The following ROBO2 variants were observed in gnomAD, a reference collection of about 807,000 sequenced individuals.
ROBO2 encodes the protein roundabout guidance receptor 2.
A neutral mutation model predicts 160.8 loss-of-function variants in ROBO2; 53 were observed. The observed-to-expected ratio is 0.33, with a 90% CI of 0.26 to 0.41. The LOEUF is 0.41. ROBO2 is among the 10% of genes least tolerant of loss of function. ROBO2 has a pLI of 1.00. For synonymous variants in ROBO2, 664 were observed against 611.7 expected (o/e 1.09, Z -1.26); for missense variants, 1,577 against 1,722.4 (o/e 0.92, Z 1.49).
chr3:76,674,598 T>TCACACACACACACACACACA (rs71104613), intron 2 of ROBO2, among the ~76,000 whole-genome samples: 35 of 148,066 alleles, frequency 2.4e-4, no homozygotes, highest in Non-Finnish European at 3.3e-4. Flanking sequence ...ACCTCCTAGT[T>TCACACACACACACACACACA]CACACACACA....
At chr3:76,619,638 C>T (rs2088901069) in intron 2 of ROBO2, among the ~76,000 whole-genome samples, 1 of 152,134 alleles carries the variant, frequency 6.6e-6, no homozygotes, top group African/African-American at 2.4e-5. Context: ...GAGAGAGACT[C>T]AGTGAAGGAC....
intron 2 of ROBO2, among the ~76,000 whole-genome samples, chr3:77,294,255 G>A (rs2061720011): frequency 7.0e-6 from 1 of 143,778 alleles, no homozygotes; most frequent in African/African-American, 2.7e-5. Context: ...TAAAATTGAT[G>A]GTTAAACGGG....
At chr3:76,527,566 T>TAA (rs1216907424) in intron 2 of ROBO2, among the ~76,000 whole-genome samples, 9 of 152,130 alleles carry the variant, frequency 5.9e-5, no homozygotes, top group African/African-American at 2.2e-4. Flanking sequence ...ACTCATTATA[T>TAA]AAACACAAGC....
At chr3:76,236,803 T>A (rs1302782331) in intron 2 of ROBO2, among the ~76,000 whole-genome samples, 1 of 152,078 alleles carries the variant, frequency 6.6e-6, no homozygotes, top group Non-Finnish European at 1.5e-5. Flanking sequence ...AGTTCAGAAT[T>A]CAAGAAGAAA....
At chr3:77,073,269 G>A (rs1173971223) in intron 1 of ROBO2, among the ~76,000 whole-genome samples, 5 of 152,092 alleles carry the variant, frequency 3.3e-5, no homozygotes, top group Non-Finnish European at 7.4e-5. Flanking sequence ...GTAAACATTG[G>A]CCATTATTTT....
intron 2 of ROBO2, among the ~76,000 whole-genome samples, chr3:76,584,668 T>A (rs968759114): frequency 2.6e-5 from 4 of 152,132 alleles, no homozygotes; most frequent in Admixed American, 6.5e-5. Context: ...ACAGTAAATA[T>A]CTCACAGCCA....
At chr3:76,698,825 G>A (rs1345549970) in intron 2 of ROBO2, among the ~76,000 whole-genome samples, 1 of 151,780 alleles carries the variant, frequency 6.6e-6, no homozygotes, top group Non-Finnish European at 1.5e-5. Context: ...GGTAGGGAGA[G>A]GTTATCAGCC....
At chr3:76,482,411 G>A (rs927090153) in intron 2 of ROBO2, among the ~76,000 whole-genome samples, 1 of 152,082 alleles carries the variant, frequency 6.6e-6, no homozygotes, top group African/African-American at 2.4e-5. Flanking sequence ...AAAACCATTA[G>A]TGTCTTTTTC....
chr3:76,342,586 CTA>C (rs2074293694), intron 2 of ROBO2, among the ~76,000 whole-genome samples: 1 of 152,060 alleles, frequency 6.6e-6, no homozygotes, highest in African/African-American at 2.4e-5. Flanking sequence ...GATGGATACA[CTA>C]TCTCTATCTT....
intron 2 of ROBO2, among the ~76,000 whole-genome samples, chr3:77,229,079 T>C (rs887986100): frequency 1.3e-5 from 2 of 152,188 alleles, no homozygotes; most frequent in Non-Finnish European, 2.9e-5. Context: ...CTGCTTTTAA[T>C]TTCTAAGCCT....
chr3:77,148,422 CT>C (rs1217230851), intron 2 of ROBO2, among the ~76,000 whole-genome samples: 1 of 152,192 alleles, frequency 6.6e-6, no homozygotes, highest in African/African-American at 2.4e-5. Context: ...CTGCATGAAA[CT>C]TTTTTTCTTT....
rs1295299157 is a variant in ROBO2, at chr3:76,197,526, C to T, written c.109+259924C>T. Among the ~76,000 whole-genome samples the T allele has an allele frequency of 2.0e-5, 3 of 152,136 alleles. No individual in the cohort carries two copies. The East Asian group carries it at 5.8e-4, about 29-fold the overall frequency. Reference sequence around the variant, plus strand: ...TTTCTCCTTTTGGGGAGTGATAATCCACCGAGTTAATCAATTTCTCTTTAG... The same window carrying T: ...TTTCTCCTTTTGGGGAGTGATAATCTACCGAGTTAATCAATTTCTCTTTAG... On this transcript the variant is annotated intron_variant, in intron 2 of 26. Coordinates refer to the ROBO2 transcript ENST00000487694.
intron 2 of ROBO2, among the ~76,000 whole-genome samples, chr3:77,144,934 A>AT (rs140329645): frequency 3.9e-5 from 6 of 152,092 alleles, no homozygotes; most frequent in East Asian, 3.9e-4. Flanking sequence ...TTCTCTCATC[A>AT]TTTTTTTGTC....
intron 2 of ROBO2, among the ~76,000 whole-genome samples, chr3:76,854,019 TCTCTCTCTCTCTCTCTCTC>T (rs2069724085): frequency 5.4e-4 from 1 of 1,852 alleles, no homozygotes; most frequent in Non-Finnish European, 1.2e-3. Flanking sequence ...GCATAGACTT[TCTCTCTCTCTCTCTCTCTC>T]TCTCTCTCTC....
intron 2 of ROBO2, among the ~76,000 whole-genome samples, chr3:76,786,879 T>A (rs2063013233): frequency 6.6e-6 from 1 of 151,392 alleles, no homozygotes; most frequent in South Asian, 2.1e-4. Context: ...AAGAGCTACC[T>A]GATAAATTTC....
At chr3:76,851,762 A>T (rs1357621140) in intron 2 of ROBO2, among the ~76,000 whole-genome samples, 1 of 139,752 alleles carries the variant, frequency 7.2e-6, no homozygotes, top group African/African-American at 2.9e-5. Flanking sequence ...AAAAAAAAAA[A>T]AAATATTAAC....
At chr3:76,719,548 T>C (rs1459707156) in intron 2 of ROBO2, among the ~76,000 whole-genome samples, 2 of 152,202 alleles carry the variant, frequency 1.3e-5, no homozygotes, top group Non-Finnish European at 2.9e-5. Flanking sequence ...ATACATATCA[T>C]TAATTCGTTC....
chr3:77,529,291 T>A (rs978697931), intron 6 of ROBO2, among the ~76,000 whole-genome samples: 1 of 151,496 alleles, frequency 6.6e-6, no homozygotes, highest in Non-Finnish European at 1.5e-5. Context: ...TATTTAGAAG[T>A]TTTTTAAAGA....
chr3:76,033,104 A>G (rs1245288589), intron 2 of ROBO2, among the ~76,000 whole-genome samples: 1 of 23,666 alleles, frequency 4.2e-5, no homozygotes, highest in Non-Finnish European at 8.0e-5. Context: ...ATAACAGCAA[A>G]AAAAAAAAAT....
Sources: allele counts gnomAD v4.1 joint callset (sites outside exome capture counted in the v4.1 genomes callset), GRCh38; gene constraint gnomAD v4.1.1; transcripts MANE v1.5; gene names NCBI Gene and HGNC (gene_info 2026-07-23, HGNC 2026-07-21).